Variants in OSTC observed in about 807,000 individuals in gnomAD.
OSTC encodes the protein oligosaccharyltransferase complex non-catalytic subunit, also known as oligosaccharyltransferase complex subunit OSTC.
OSTC carries 16 observed loss-of-function variants against 16.4 expected under a neutral mutation model. The ratio of observed to expected loss-of-function variants is 0.98; its 90% CI spans 0.66 to 1.49. OSTC has a LOEUF of 1.49. OSTC is among the 40% of genes most tolerant of loss of function. The pLI is 0.00. For synonymous variants in OSTC, 67 were observed against 68.5 expected (o/e 0.98, Z 0.11); for missense variants, 139 against 186.3 (o/e 0.75, Z 1.48).
At chr4:108,666,318 AGATT>A (rs1477199976) in intron 3 of OSTC, among the ~76,000 whole-genome samples, 2 of 152,220 alleles carry the variant, frequency 1.3e-5, no homozygotes, top group Non-Finnish European at 2.9e-5. Flanking sequence ...AGCCTAAAAT[AGATT>A]GATTCTGACT....
chr4:108,664,891 C>T (rs1314767424), intron 3 of OSTC, among the ~76,000 whole-genome samples: 2 of 152,112 alleles, frequency 1.3e-5, no homozygotes, highest in Admixed American at 1.3e-4. Flanking sequence ...TGTGCCCAGC[C>T]AAACCTTTTT....
chr4:108,655,484 C>A, intron 1 of OSTC, 80 bp from the exon 2 acceptor site: 2 of 860,842 alleles, frequency 2.3e-6, no homozygotes, highest in Non-Finnish European at 3.5e-6. Flanking sequence ...GTAAATGAAC[C>A]TTAAGAGACA....
Position 108,650,662 on chromosome 4 carries a change from A to G in OSTC, c.7A>G (p.Thr3Ala), listed in dbSNP as rs773291437. ME[T>A]LYRVPFLVLE... is the part of the protein sequence containing the mutation. ...GGCCCTTGCTGCCACCAACATGGAG[A>G]CTTTGTACCGTGTCCCGTTCTTAGT... The change falls in exon 1 of 4, where the codon ACT becomes GCT. Residue 3 changes from threonine (T) to alanine (A), a missense_variant. Transcript: ENST00000361564. The G allele has an allele frequency of 3.0e-5, 48 of 1,613,656 alleles. No homozygotes were observed. In the African/African-American group the frequency reaches 4.5e-4, roughly 15 times the overall value.
At chr4:108,658,835 G>T (rs892526449) in intron 3 of OSTC, among the ~76,000 whole-genome samples, 6 of 152,088 alleles carry the variant, frequency 3.9e-5, no homozygotes, top group South Asian at 2.1e-4. Flanking sequence ...GGTAGAATGG[G>T]CAAAAGTACA....
At chr4:108,654,613 C>T (rs909042033) in intron 1 of OSTC, among the ~76,000 whole-genome samples, 1 of 152,102 alleles carries the variant, frequency 6.6e-6, no homozygotes, top group Non-Finnish European at 1.5e-5. Flanking sequence ...ATTGTTTTGT[C>T]AGGCTAGGAT....
chr4:108,653,250 C>T (rs1043855384), intron 1 of OSTC, among the ~76,000 whole-genome samples: 4 of 152,044 alleles, frequency 2.6e-5, no homozygotes, highest in Admixed American at 6.6e-5. Flanking sequence ...AACAAACAAA[C>T]AATGGTTATA....
At chr4:108,664,607 T>G (rs1327009172) in intron 3 of OSTC, among the ~76,000 whole-genome samples, 1 of 152,026 alleles carries the variant, frequency 6.6e-6, no homozygotes, top group Admixed American at 6.6e-5. Flanking sequence ...TTTTTTTTTT[T>G]TGTGGGGGAC....
chr4:108,666,877 C>T (rs1047923095), intron 3 of OSTC, among the ~76,000 whole-genome samples: 49 of 151,554 alleles, frequency 3.2e-4, no homozygotes, highest in Non-Finnish European at 4.3e-4. Flanking sequence ...TGGTGGCACG[C>T]GCCTGTAATC....
intron 3 of OSTC, 139 bp downstream of exon 3, chr4:108,657,786 G>T: frequency 1.3e-6 from 1 of 758,768 alleles, no homozygotes; most frequent in Non-Finnish European, 2.1e-6. Flanking sequence ...TTTGTAACTT[G>T]GTCAGGTTAC....
Position 108,657,917 on chromosome 4 carries a change from C to CTTTTTTTTTTTTTTTTTT in OSTC, c.431+283_431+300dup, listed in dbSNP as rs70949037. Among the ~76,000 whole-genome samples, 5 of 67,142 alleles carry CTTTTTTTTTTTTTTTTTT rather than the reference C, an allele frequency of 7.4e-5. 1 individual carries two copies. The highest frequency in any genetic ancestry group is 3.1e-4 in the African/African-American group (5 of 16,220). The allele number at this position is 67,142 out of a possible 152,430, so 44.0% of individuals were successfully genotyped here. A position where few individuals can be genotyped will look rare whatever the true frequency, so the allele number is the denominator to read the frequency against. ...CAATGACTGAAGATAGTCATTGTTT[C>CTTTTTTTTTTTTTTTTTT]TTTTTTTTTTTTTTTTTTTTTTTTT... On this transcript the variant is annotated intron_variant, in intron 3 of 3. Transcript: ENST00000361564.
chr4:108,657,917 CTTTTTTTTTTTTTTT>C (rs70949037), intron 3 of OSTC, among the ~76,000 whole-genome samples: 2 of 67,142 alleles, frequency 3.0e-5, no homozygotes, highest in Non-Finnish European at 5.2e-5. Context: ...GTCATTGTTT[CTTTTTTTTTTTTTTT>C]TTTTTTTTTT....
intron 3 of OSTC, among the ~76,000 whole-genome samples, chr4:108,665,734 A>G (rs903909017): frequency 1.3e-5 from 2 of 151,686 alleles, no homozygotes; most frequent in African/African-American, 4.8e-5. Context: ...TAATTTTTGT[A>G]GTTTTAGTAG....
chr4:108,667,453 A>G lies in OSTC; in HGVS notation c.*188A>G, dbSNP rs1419143524. The G allele has an allele frequency of 2.2e-6, 1 of 452,554 alleles. No homozygotes were observed. The highest frequency in any genetic ancestry group is 3.9e-6 in the Non-Finnish European group (1 of 256,954). The allele number at this position is 452,554 out of a possible 1,614,324, so 28.0% of individuals were successfully genotyped here. On this transcript the variant is annotated 3_prime_UTR_variant, in exon 4 of 4. Coordinates refer to ENST00000361564, the MANE Select transcript of OSTC (RefSeq NM_021227.4). ...ATTTCTTCTTGGTATTAAAGAGACA[A>G]GTTTATCACAGAATTTTTTTTCCTG... is the stretch of plus-strand genomic sequence containing the variant.
rs70949037 is a variant in OSTC, at chr4:108,657,917, CTTTTTTTTTTTT to C, written c.431+289_431+300del. On this transcript the variant is annotated intron_variant, in intron 3 of 3. Transcript: ENST00000361564. ...CAATGACTGAAGATAGTCATTGTTTCTTTTTTTTTTTTTTTTTTTTTTTTTTTTTTGAGACGG... is the reference window on the plus strand; with the variant it reads ...CAATGACTGAAGATAGTCATTGTTTCTTTTTTTTTTTTTTTTTTGAGACGG... Among the ~76,000 whole-genome samples the C allele has an allele frequency of 5.5e-4, 37 of 67,198 alleles. 1 individual carries two copies. The highest frequency in any genetic ancestry group is 2.2e-3 in the African/African-American group (36 of 16,260). The allele number at this position is 67,198 out of a possible 152,430, so 44.1% of individuals were successfully genotyped here. A position where few individuals can be genotyped will look rare whatever the true frequency, so the allele number is the denominator to read the frequency against.
At position 108,650,620 on chromosome 4, in the gene OSTC, G is replaced by A; in HGVS notation, c.-36G>A. On this transcript the variant is annotated 5_prime_UTR_variant, in exon 1 of 4. Coordinates refer to ENST00000361564, the MANE Select transcript of OSTC (RefSeq NM_021227.4). ...GGGCCTGTTTCCGGGAGGCGCGTGGGGCTTGAGGCCGAGAACGGCCCTTGC... is the reference window on the plus strand; with the variant it reads ...GGGCCTGTTTCCGGGAGGCGCGTGGAGCTTGAGGCCGAGAACGGCCCTTGC... The A allele has an allele frequency of 1.2e-6, 2 of 1,610,332 alleles. No individual in the cohort carries two copies. The highest frequency in any genetic ancestry group is 1.1e-5 in the South Asian group (1 of 90,932).
chr4:108,654,272 T>C (rs1297607275), intron 1 of OSTC, among the ~76,000 whole-genome samples: 2 of 152,188 alleles, frequency 1.3e-5, no homozygotes, highest in East Asian at 3.8e-4. Context: ...AAAGGGGAGA[T>C]GGCAAGTTTG....
chr4:108,652,454 G>A (rs1726581111), intron 1 of OSTC, among the ~76,000 whole-genome samples: 1 of 152,092 alleles, frequency 6.6e-6, no homozygotes, highest in Non-Finnish European at 1.5e-5. Context: ...ACCATTGGGG[G>A]AAAGTGGAAA....
chr4:108,657,376 C>A lies in OSTC; in HGVS notation c.234-74C>A. 5.2e-6 allele frequency: 7 copies of A among 1,357,556 alleles called. No homozygotes were observed. The South Asian group carries it at 6.5e-5, about 13-fold the overall frequency. The allele number at this position is 1,357,556 out of a possible 1,614,324, so 84.1% of individuals were successfully genotyped here. A position where few individuals can be genotyped will look rare whatever the true frequency, so the allele number is the denominator to read the frequency against. ...GCACAAAAATGTTTTGGCACAAAAA[C>A]GGAAATAGGAATTTCAATTTAAGGG... On this transcript the variant is annotated intron_variant, in intron 2 of 3. Coordinates refer to ENST00000361564, the MANE Select transcript of OSTC (RefSeq NM_021227.4).
chr4:108,665,533 G>GTTTTGTTCTGTTT (rs33968685), intron 3 of OSTC, among the ~76,000 whole-genome samples: 1 of 125,952 alleles, frequency 7.9e-6, no homozygotes, highest in South Asian at 2.4e-4. Flanking sequence ...AGGATGTTTT[G>GTTTTGTTCTGTTT]TGTTTTGTTT....
Sources: gnomAD v4.1 joint callset for allele counts (sites outside exome capture counted in the v4.1 genomes callset) on GRCh38, gnomAD v4.1.1 for gene constraint, MANE v1.5 for transcripts, NCBI Gene and HGNC (gene_info 2026-07-23, HGNC 2026-07-21) for gene names.